RORA: variants seen among roughly 807,000 people sequenced by gnomAD.
RORA encodes RAR related orphan receptor A, also known as nuclear receptor ROR-alpha.
RORA carries 7 observed loss-of-function variants against 69.5 expected under a neutral mutation model. The observed-to-expected ratio is 0.10, with a 90% CI of 0.06 to 0.19. RORA has a LOEUF of 0.19. Among genes scored for constraint, RORA ranks in the 10% least tolerant of loss-of-function variants. The probability of loss-of-function intolerance (pLI) is 1.00; values close to 1 mark genes in which losing one functional copy is unlikely to be tolerated. For missense variants in RORA, 457 were observed against 663.0 expected, an observed-to-expected ratio of 0.69 and a Z score of 3.41; for synonymous variants, 261 against 240.8, an observed-to-expected ratio of 1.08 and a Z score of -0.78.
At chr15:61,077,214 CA>C (rs1327260095) in intron 1 of RORA, among the ~76,000 whole-genome samples, 2 of 139,804 alleles carry the variant, frequency 1.4e-5, no homozygotes, top group Admixed American at 1.5e-4. Flanking sequence ...TATATTAATA[CA>C]GGGGGTGTGG....
chr15:60,515,245 C>T (rs77270554), intron 3 of RORA, among the ~76,000 whole-genome samples: 3,581 of 152,322 alleles, frequency 0.024, 115 homozygotes, highest in African/African-American at 0.08. Context: ...CTTCAACACA[C>T]GGCCCTTTAG....
chr15:60,767,023 T>G (rs2072002228), intron 1 of RORA, among the ~76,000 whole-genome samples: 1 of 152,186 alleles, frequency 6.6e-6, no homozygotes, highest in South Asian at 2.1e-4. Flanking sequence ...CCCAAAGACA[T>G]GTACTGTTTT....
At chr15:60,924,105 T>G (rs1892134283) in intron 1 of RORA, among the ~76,000 whole-genome samples, 1 of 152,122 alleles carries the variant, frequency 6.6e-6, no homozygotes, top group Admixed American at 6.5e-5. Flanking sequence ...TCTCCTGCCC[T>G]CTATCCCATA....
chr15:61,059,411 TTTAA>T (rs759866536), intron 1 of RORA, among the ~76,000 whole-genome samples: 2 of 152,216 alleles, frequency 1.3e-5, no homozygotes, highest in African/African-American at 2.4e-5. Context: ...GTAGATAATA[TTTAA>T]TTGTTACTCT....
intron 1 of RORA, among the ~76,000 whole-genome samples, chr15:60,936,599 C>T (rs1051761901): frequency 3.4e-5 from 5 of 147,848 alleles, no homozygotes; most frequent in Non-Finnish European, 7.6e-5. Flanking sequence ...GCTCTATCCA[C>T]CCCTGAGAGC....
intron 2 of RORA, among the ~76,000 whole-genome samples, chr15:60,653,142 C>T (rs1301276841): frequency 6.6e-6 from 1 of 152,230 alleles, no homozygotes; most frequent in Non-Finnish European, 1.5e-5. Flanking sequence ...TTTTAGCTTG[C>T]TAGGGGGAAT....
chr15:60,895,799 T>C (rs1337354914), intron 1 of RORA, among the ~76,000 whole-genome samples: 4 of 152,232 alleles, frequency 2.6e-5, no homozygotes, highest in African/African-American at 9.6e-5. Context: ...GCTAGGGCTC[T>C]TACTTTGACT....
intron 1 of RORA, among the ~76,000 whole-genome samples, chr15:60,717,440 G>T (rs2071234716): frequency 6.6e-6 from 1 of 152,122 alleles, no homozygotes; most frequent in South Asian, 2.1e-4. Context: ...CTTCATCCAT[G>T]GTCCCAGCAG....
chr15:60,797,739 A>G (rs2072518531), intron 1 of RORA, among the ~76,000 whole-genome samples: 1 of 152,120 alleles, frequency 6.6e-6, no homozygotes. Context: ...CACGCGGTTG[A>G]CAAGAAGCAG....
At chr15:60,948,271 A>G (rs1376227313) in intron 1 of RORA, among the ~76,000 whole-genome samples, 1 of 152,196 alleles carries the variant, frequency 6.6e-6, no homozygotes, top group Non-Finnish European at 1.5e-5. Context: ...CAGGTGTTAA[A>G]GAAGAAAAAT....
At chr15:60,732,056 G>A (rs2071436707) in intron 1 of RORA, among the ~76,000 whole-genome samples, 1 of 152,152 alleles carries the variant, frequency 6.6e-6, no homozygotes, top group Middle Eastern at 3.2e-3. Flanking sequence ...TAAATCAACT[G>A]TGCTATGGAA....
intron 1 of RORA, among the ~76,000 whole-genome samples, chr15:60,880,300 AATG>A (rs2073664272): frequency 1.3e-5 from 2 of 152,304 alleles, no homozygotes; most frequent in South Asian, 4.1e-4. Context: ...ATTTCTCAAC[AATG>A]ATTTCTATTA....
intron 1 of RORA, among the ~76,000 whole-genome samples, chr15:61,085,524 A>G (rs1030696015): frequency 2.6e-5 from 4 of 152,218 alleles, no homozygotes; most frequent in Non-Finnish European, 5.9e-5. Context: ...GTTTTAATTC[A>G]GTAGGTTGGG....
At chr15:60,624,582 T>TACAC (rs371432840) in intron 2 of RORA, among the ~76,000 whole-genome samples, 9 of 148,098 alleles carry the variant, frequency 6.1e-5, no homozygotes, top group African/African-American at 2.0e-4. Flanking sequence ...ATATTATATA[T>TACAC]ACACACACAC....
chr15:60,781,988 AGGCCGACGAG>A (rs1318335392), intron 1 of RORA, among the ~76,000 whole-genome samples: 1 of 152,222 alleles, frequency 6.6e-6, no homozygotes, highest in African/African-American at 2.4e-5. Flanking sequence ...GCACTCTGGG[AGGCCGACGAG>A]GGCGGATCAC....
At chr15:61,208,165 T>G (rs1338347156) in intron 1 of RORA, among the ~76,000 whole-genome samples, 1 of 152,208 alleles carries the variant, frequency 6.6e-6, no homozygotes, top group East Asian at 1.9e-4. Flanking sequence ...GTCTATCAGT[T>G]GATGAATGAA....
At chr15:61,083,803 C>T (rs1040512065) in intron 1 of RORA, among the ~76,000 whole-genome samples, 1 of 151,722 alleles carries the variant, frequency 6.6e-6, no homozygotes, top group African/African-American at 2.4e-5. Context: ...AGATGGAATA[C>T]GTAGGCTTCT....
chr15:61,129,872 C>A (rs1210115265), intron 1 of RORA, among the ~76,000 whole-genome samples: 2 of 152,202 alleles, frequency 1.3e-5, no homozygotes, highest in Non-Finnish European at 2.9e-5. Context: ...TTTCCCCCAC[C>A]TTTCTTAATC....
chr15:60,676,657 C>A (rs1442340791), intron 2 of RORA, among the ~76,000 whole-genome samples: 1 of 152,186 alleles, frequency 6.6e-6, no homozygotes, highest in Non-Finnish European at 1.5e-5. Flanking sequence ...CTTGATTTTG[C>A]ATTAAAGCCA....
Sources: allele counts gnomAD v4.1 joint callset (sites outside exome capture counted in the v4.1 genomes callset), GRCh38; gene constraint gnomAD v4.1.1; transcripts MANE v1.5; gene names NCBI Gene and HGNC (gene_info 2026-07-23, HGNC 2026-07-21).